The following CBR4 variants were observed in gnomAD, a reference collection of about 807,000 sequenced individuals.
CBR4 encodes carbonyl reductase 4.
In CBR4, 22 loss-of-function variants were observed where a neutral mutation model predicts 21.0. That is an observed-to-expected ratio of 1.05 (90% CI 0.75 to 1.50). CBR4 has a LOEUF of 1.50. Ranked by LOEUF, CBR4 falls within the 40% of genes most tolerant of loss-of-function variation. The pLI is 0.00. For missense variants in CBR4, 302 were observed against 286.3 expected, an observed-to-expected ratio of 1.05 and a Z score of -0.40; for synonymous variants, 100 against 104.4, an observed-to-expected ratio of 0.96 and a Z score of 0.26.
intron 2 of CBR4, among the ~76,000 whole-genome samples, chr4:168,956,397 C>A (rs1387169428): frequency 6.6e-6 from 1 of 151,600 alleles, no homozygotes; most frequent in African/African-American, 2.4e-5. Flanking sequence ...AAATTCAAGA[C>A]CAGCCTGGGC....
Position 168,990,092 on chromosome 4 carries a change from T to A in CBR4, c.*58A>T. The A allele has an allele frequency of 6.9e-7, 1 of 1,439,582 alleles. No individual in the cohort carries two copies. The highest frequency in any genetic ancestry group is 9.2e-7 in the Non-Finnish European group (1 of 1,089,174). The allele number at this position is 1,439,582 out of a possible 1,614,324, so 89.2% of individuals were successfully genotyped here. ...TACCCATGTAGGTATAATTGTCTAA[T>A]CAGTAGCCAAAGTGTGCCCTTGATG... On this transcript the variant is annotated 3_prime_UTR_variant, in exon 5 of 5. Coordinates refer to ENST00000306193, the MANE Select transcript of CBR4 (RefSeq NM_032783.5).
At chr4:169,007,793 C>A in intron 1 of CBR4, 37 bp from the exon 2 acceptor site, 4 of 1,486,288 alleles carry the variant, frequency 2.7e-6, no homozygotes, top group South Asian at 1.2e-5. Flanking sequence ...ACTTATAACT[C>A]AAATTTTAAA....
intron 2 of CBR4, chr4:168,928,440 A>G (rs937059955): frequency 1.1e-5 from 2 of 178,548 alleles, no homozygotes; most frequent in East Asian, 1.9e-4. Context: ...TGTGAAGCAA[A>G]ATAAATATTC....
At chr4:169,009,813 G>C (rs112836342) in intron 1 of CBR4, 135 bp downstream of exon 1, 11 of 787,660 alleles carry the variant, frequency 1.4e-5, no homozygotes, top group Non-Finnish European at 2.1e-5. Flanking sequence ...CCTTGGAACG[G>C]GAGAGCGCCT....
rs1136603 is a variant in CBR4, at chr4:168,928,086, G to A, written n.170-33321C>T. ...CCAACCAAGGTTTAAGTGATTAATA[G>A]GCTTGAGCACCGGGTGGCAGATGTT... On this transcript the variant is annotated intron_variant and non_coding_transcript_variant, in intron 2 of 3. Transcript: ENST00000509108. 0.12 allele frequency: 24,398 copies of A among 195,530 alleles called. 1,670 individuals carry two copies. The highest frequency in any genetic ancestry group is 0.19 in the Middle Eastern group (107 of 566). The allele number at this position is 195,530 out of a possible 1,614,324, so 12.1% of individuals were successfully genotyped here.
intron 4 of CBR4, among the ~76,000 whole-genome samples, chr4:168,996,045 C>G (rs1365324824): frequency 1.3e-5 from 2 of 152,164 alleles, no homozygotes; most frequent in African/African-American, 4.8e-5. Flanking sequence ...CTCCACTGCT[C>G]AAGCTTAGAA....
chr4:168,927,868 T>C, intron 2 of CBR4: 1 of 210,296 alleles, frequency 4.8e-6, no homozygotes, highest in East Asian at 7.2e-5. Context: ...GGTACTTTGC[T>C]ATGAAAAGAA....
chr4:169,005,979 A>C lies in CBR4; in HGVS notation c.400+776T>G, dbSNP rs531555233. On this transcript the variant is annotated intron_variant, in intron 3 of 4. Coordinates refer to ENST00000306193, the MANE Select transcript of CBR4 (RefSeq NM_032783.5). The stretch of plus-strand genomic sequence containing the variant: ...TATACTATTATTTCCAAATTACCAA[A>C]CTGAAATAAAATTTCAAGTCATTTT... 2.2e-5 allele frequency: 24 copies of C among 1,075,884 alleles called. No individual in the cohort carries two copies. The East Asian group carries it at 1.3e-3, about 60-fold the overall frequency. The allele number at this position is 1,075,884 out of a possible 1,614,324, so 66.6% of individuals were successfully genotyped here.
At chr4:169,000,073 C>A (rs1487207436) in intron 4 of CBR4, among the ~76,000 whole-genome samples, 1 of 152,170 alleles carries the variant, frequency 6.6e-6, no homozygotes, top group Non-Finnish European at 1.5e-5. Context: ...TTATCATGAA[C>A]TAAAATTAAC....
chr4:168,960,808 A>C (rs1459768853), intron 2 of CBR4, among the ~76,000 whole-genome samples: 3 of 152,248 alleles, frequency 2.0e-5, no homozygotes, highest in Non-Finnish European at 4.4e-5. Context: ...AAGAGAGAGT[A>C]CCTCTTACCA....
Position 168,918,325 on chromosome 4 carries a change from G to GATAGATAT in CBR4, n.170-23561_170-23560insATATCTAT, listed in dbSNP as rs1553981957. ...AGATGAATGAATAAAGAAAATATGA[G>GATAGATAT]ATATATATATATATACATACATACA... On this transcript the variant is annotated intron_variant and non_coding_transcript_variant, in intron 2 of 3. Transcript: ENST00000509108. Among the ~76,000 whole-genome samples, 4 of 149,558 alleles carry GATAGATAT rather than the reference G, an allele frequency of 2.7e-5. No homozygotes were observed. The East Asian group carries it at 5.9e-4, about 22-fold the overall frequency.
At chr4:168,927,779 G>A (rs141742907) in intron 2 of CBR4, 4 of 219,864 alleles carry the variant, frequency 1.8e-5, no homozygotes, top group East Asian at 1.3e-4. Context: ...CAGACTTGAT[G>A]GTTTTAAGTC....
chr4:168,910,944 C>T (rs1012239672), intron 2 of CBR4, among the ~76,000 whole-genome samples: 1 of 152,134 alleles, frequency 6.6e-6, no homozygotes, highest in Non-Finnish European at 1.5e-5. Flanking sequence ...CTGGGGTCCG[C>T]CAAGCTGCTG....
chr4:168,987,622 G>A lies in CBR4; in HGVS notation c.*2528C>T, dbSNP rs1049169666. 49 of 938,926 alleles carry A rather than the reference G, an allele frequency of 5.2e-5. No homozygotes were observed. The highest frequency in any genetic ancestry group is 6.2e-5 in the Non-Finnish European group (49 of 787,842). 58.2% of individuals were successfully genotyped at this position (938,926 alleles called of 1,614,324 possible). ...TCATTAAATACTTTATTTAAGAACA[G>A]TTTGTTTACCAAGTTAGGACAGTGG... On this transcript the variant is annotated 3_prime_UTR_variant, in exon 5 of 5. Coordinates refer to ENST00000306193, the MANE Select transcript of CBR4 (RefSeq NM_032783.5).
In CBR4 at chr4:168,898,568, G is replaced by C. The variant is rs559000839; in HGVS notation, n.170-3803C>G. The C allele has an allele frequency of 2.0e-5, 32 of 1,613,772 alleles. No homozygotes were observed. Among genetic ancestry groups the C allele is most frequent in the African/African-American group, 1.3e-5 (1 of 75,034 alleles). On this transcript the variant is annotated intron_variant and non_coding_transcript_variant, in intron 2 of 3. Transcript: ENST00000509108. ...CAGGCTAGAAAGGTCTCCTGTGGAT[G>C]AATCAGGTGATGAAGTTCAGTATGG...
chr4:168,984,370 G>A (rs989230602), downstream of CBR4, among the ~76,000 whole-genome samples: 1 of 151,978 alleles, frequency 6.6e-6, no homozygotes, highest in Non-Finnish European at 1.5e-5. Context: ...ATTCTACAAT[G>A]AGAATTATAA....
In CBR4 at chr4:168,965,419, C is replaced by T. The variant is rs1234720700; in HGVS notation, n.169+36652G>A. On this transcript the variant is annotated intron_variant and non_coding_transcript_variant, in intron 2 of 3. Transcript: ENST00000509108. Reference sequence around the variant, plus strand: ...AAACTACTTTAAACTTCATATGGAACCAAAAAAGAGCCCACATAGCCAAGA... The same window carrying T: ...AAACTACTTTAAACTTCATATGGAATCAAAAAAGAGCCCACATAGCCAAGA... Among the ~76,000 whole-genome samples the T allele has an allele frequency of 3.3e-5, 5 of 152,240 alleles. No homozygotes were observed. In the East Asian group the frequency reaches 7.7e-4, roughly 23 times the overall value.
intron 2 of CBR4, among the ~76,000 whole-genome samples, chr4:168,897,288 A>G (rs1755414905): frequency 1.3e-5 from 2 of 152,252 alleles, no homozygotes; most frequent in Non-Finnish European, 2.9e-5. Flanking sequence ...AACTTGTGGT[A>G]TAACTCTTGC....
intron 2 of CBR4, among the ~76,000 whole-genome samples, chr4:168,918,808 TA>T (rs1189247180): frequency 1.9e-4 from 29 of 152,144 alleles, no homozygotes; most frequent in African/African-American, 5.8e-4. Context: ...AAAAAACACT[TA>T]AAAAAATTCA....
Sources: allele counts gnomAD v4.1 joint callset (sites outside exome capture counted in the v4.1 genomes callset), GRCh38; gene constraint gnomAD v4.1.1; transcripts MANE v1.5; gene names NCBI Gene and HGNC (gene_info 2026-07-23, HGNC 2026-07-21).